Variants in XPOT observed in about 807,000 individuals in gnomAD.
XPOT encodes the protein exportin-T.
Under a neutral mutation model 128.2 loss-of-function variants are expected in XPOT, and 34 were observed. That is an observed-to-expected ratio of 0.27 (90% CI 0.20 to 0.35). XPOT has a LOEUF of 0.35. Among genes scored for constraint, XPOT ranks in the 10% least tolerant of loss-of-function variants. The probability of loss-of-function intolerance (pLI) is 1.00; values close to 1 mark genes in which losing one functional copy is unlikely to be tolerated. For synonymous variants in XPOT, 348 were observed against 394.3 expected, an observed-to-expected ratio of 0.88 and a Z score of 1.39; for missense variants, 838 against 1,125.3, an observed-to-expected ratio of 0.74 and a Z score of 3.65.
At position 64,449,189 on chromosome 12, in the gene XPOT, T is replaced by A. The variant is rs1055058495; in HGVS notation, c.*1058T>A. On this transcript the variant is annotated 3_prime_UTR_variant, in exon 25 of 25. Transcript: ENST00000332707. The stretch of plus-strand genomic sequence containing the variant: ...CAGCCTGGGCAAGAGAGTAAGACTC[T>A]CTCTCAAAAAAAAAAAAAAAGAATT... The A allele has an allele frequency of 1.2e-5, 1 of 81,048 alleles. No homozygotes were observed. Among genetic ancestry groups the A allele is most frequent in the Non-Finnish European group, 2.6e-5 (1 of 38,454 alleles). 5.0% of individuals were successfully genotyped at this position (81,048 alleles called of 1,614,324 possible).
intron 16 of XPOT, among the ~76,000 whole-genome samples, chr12:64,428,734 T>C (rs1289511006): frequency 6.6e-6 from 1 of 152,246 alleles, no homozygotes; most frequent in Admixed American, 6.5e-5. Flanking sequence ...GATATTACTT[T>C]ACATTTTTAA....
chr12:64,414,028 C>T (rs1173170887), intron 2 of XPOT, among the ~76,000 whole-genome samples: 3 of 152,194 alleles, frequency 2.0e-5, no homozygotes, highest in Non-Finnish European at 4.4e-5. Context: ...AATCATCTAG[C>T]AGTGCTTCCA....
In XPOT at chr12:64,433,585, G is replaced by A. The variant is rs747459626; in HGVS notation, c.2434G>A (p.Glu812Lys). ...LQTVTGSGMSEVIANQGAENV... is the reference protein window; with the variant it reads ...LQTVTGSGMSKVIANQGAENV... ...AACAGTCACAGGCAGTGGGATGAGCGAAGTTATAGCAAATCAAGGTGGGAA... is the reference window on the plus strand; with the variant it reads ...AACAGTCACAGGCAGTGGGATGAGCAAAGTTATAGCAAATCAAGGTGGGAA... The change falls in exon 19 of 25, where the codon GAA becomes AAA. Residue 812 changes from glutamate to lysine, a missense_variant. Physicochemically the swap from Glu to Lys is moderately conservative, Grantham distance 56 (BLOSUM62 1). Coordinates refer to ENST00000332707, the MANE Select transcript of XPOT (RefSeq NM_007235.6). 16 of 1,605,076 alleles carry A rather than the reference G, an allele frequency of 1.0e-5. No homozygotes were observed. The highest frequency in any genetic ancestry group is 1.7e-4 in the Middle Eastern group (1 of 6,036).
chr12:64,439,105 C>G (rs531379222), intron 22 of XPOT, 139 bp from the exon 23 acceptor site: 24 of 716,418 alleles, frequency 3.4e-5, no homozygotes, highest in Middle Eastern at 3.1e-4. Flanking sequence ...GGCTTCAAAC[C>G]AAGGCAGTCT....
intron 16 of XPOT, among the ~76,000 whole-genome samples, chr12:64,428,918 G>A (rs1376931887): frequency 6.6e-6 from 1 of 152,148 alleles, no homozygotes; most frequent in Non-Finnish European, 1.5e-5. Context: ...AAAGCAAAAT[G>A]TGTAAGTGCA....
At chr12:64,419,536 TG>T (rs2040119308) in intron 6 of XPOT, among the ~76,000 whole-genome samples, 2 of 152,206 alleles carry the variant, frequency 1.3e-5, no homozygotes, top group South Asian at 4.1e-4. Flanking sequence ...CTCAAACTCC[TG>T]ACTTCAGGTG....
intron 8 of XPOT, 51 bp from the exon 9 acceptor site, chr12:64,421,184 C>A: frequency 7.4e-7 from 1 of 1,356,462 alleles, no homozygotes; most frequent in Non-Finnish European, 1.0e-6. Context: ...AGTTTTTCCT[C>A]TTAGCTTGGG....
At position 64,448,667 on chromosome 12, in the gene XPOT, A is replaced by G. The variant is rs1453410701; in HGVS notation, c.*536A>G. On this transcript the variant is annotated 3_prime_UTR_variant, in exon 25 of 25. Coordinates refer to ENST00000332707, the MANE Select transcript of XPOT (RefSeq NM_007235.6). Reference sequence around the variant, plus strand: ...TTTTTTTATATATATATATAAAAATAAACTTTACGTAGTGAAATCTTCCAA... The same window carrying G: ...TTTTTTTATATATATATATAAAAATGAACTTTACGTAGTGAAATCTTCCAA... 6.6e-6 allele frequency: 1 copy of G among 151,840 alleles called. No homozygotes were observed. The highest frequency in any genetic ancestry group is 1.9e-4 in the East Asian group (1 of 5,198). 9.4% of individuals were successfully genotyped at this position (151,840 alleles called of 1,614,324 possible). A position where few individuals can be genotyped will look rare whatever the true frequency, so the allele number is the denominator to read the frequency against.
chr12:64,424,841 T>C, intron 12 of XPOT, 118 bp downstream of exon 12: 1 of 1,398,548 alleles, frequency 7.2e-7, no homozygotes, highest in African/African-American at 1.4e-5. Context: ...ATCTTATGTG[T>C]ATCTCTGGAA....
Position 64,421,310 on chromosome 12 carries a change from A to G in XPOT, c.919A>G (p.Ser307Gly). 1 of 1,614,042 alleles carries G rather than the reference A, an allele frequency of 6.2e-7. No homozygotes were observed. Among genetic ancestry groups the G allele is most frequent in the Non-Finnish European group, 8.5e-7 (1 of 1,179,954 alleles). ...GMGQSLIVSW[S>G]KLIKNGDIKN... The stretch of plus-strand genomic sequence containing the variant: ...GGGACAGTCATTGATAGTTAGTTGG[A>G]GTAAATTAATTAAGAATGGGGATAT... The change falls in exon 9 of 25, where the codon AGT becomes GGT. Residue 307 changes from serine to glycine, a missense_variant. Physicochemically the swap from Ser to Gly is moderately conservative, Grantham distance 56. Coordinates refer to ENST00000332707, the MANE Select transcript of XPOT (RefSeq NM_007235.6).
intron 14 of XPOT, 103 bp downstream of exon 14, chr12:64,425,560 T>A (rs562746209): frequency 4.9e-5 from 70 of 1,428,064 alleles, no homozygotes; most frequent in Non-Finnish European, 6.4e-5. Context: ...AATCAAAACC[T>A]CTCAGAAGTG....
intron 3 of XPOT, among the ~76,000 whole-genome samples, chr12:64,415,734 T>G (rs1246094200): frequency 6.6e-6 from 1 of 152,208 alleles, no homozygotes. Context: ...TGACCAATCT[T>G]TTAATATTGG....
intron 24 of XPOT, among the ~76,000 whole-genome samples, chr12:64,445,874 AGT>A (rs2040363421): frequency 6.6e-6 from 1 of 152,254 alleles, no homozygotes; most frequent in African/African-American, 2.4e-5. Flanking sequence ...CAGGTAACTT[AGT>A]GTATCACCTG....
intron 1 of XPOT, among the ~76,000 whole-genome samples, chr12:64,405,620 TTTG>T (rs906696713): frequency 1.4e-4 from 22 of 152,264 alleles, no homozygotes; most frequent in Admixed American, 2.6e-4. Context: ...TTTTTGGGGT[TTTG>T]TTGTTGTTGT....
intron 8 of XPOT, 73 bp downstream of exon 8, chr12:64,420,594 A>T: frequency 8.6e-7 from 1 of 1,167,532 alleles, no homozygotes; most frequent in Non-Finnish European, 1.2e-6. Context: ...AGTTAAATAT[A>T]ATAATAGCTT....
chr12:64,425,978 T>C, intron 15 of XPOT, 69 bp downstream of exon 15: 1 of 1,426,874 alleles, frequency 7.0e-7, no homozygotes, highest in Admixed American at 1.7e-5. Context: ...AAAACAATAG[T>C]AAAGACATGG....
At chr12:64,438,698 G>A (rs1315113920) in intron 22 of XPOT, among the ~76,000 whole-genome samples, 2 of 151,670 alleles carry the variant, frequency 1.3e-5, no homozygotes, top group African/African-American at 4.8e-5. Context: ...CATAATCTCG[G>A]CTCACTGCAG....
chr12:64,436,265 T>A (rs1310789709), intron 22 of XPOT, among the ~76,000 whole-genome samples: 1 of 152,022 alleles, frequency 6.6e-6, no homozygotes, highest in African/African-American at 2.4e-5. Flanking sequence ...CTGGCCTATT[T>A]TTTATTTATT....
chr12:64,410,541 C>CG (rs1169679747), intron 2 of XPOT, among the ~76,000 whole-genome samples: 1 of 151,922 alleles, frequency 6.6e-6, no homozygotes, highest in Non-Finnish European at 1.5e-5. Flanking sequence ...AGGCTGGTCT[C>CG]GAACTCCTGA....
Sources: gnomAD v4.1 joint callset for allele counts (sites outside exome capture counted in the v4.1 genomes callset) on GRCh38, gnomAD v4.1.1 for gene constraint, MANE v1.5 for transcripts, NCBI Gene and HGNC (gene_info 2026-07-23, HGNC 2026-07-21) for gene names.